NCAM1: variants seen among roughly 807,000 people sequenced by gnomAD.
NCAM1 encodes the protein antigen recognized by monoclonal antibody 5.1H11.
A neutral mutation model predicts 109.8 loss-of-function variants in NCAM1; 14 were observed. The observed-to-expected ratio is 0.13, with a 90% CI of 0.08 to 0.20. The LOEUF (loss-of-function observed/expected upper bound fraction) is 0.20. NCAM1 is among the 10% of genes least tolerant of loss of function. NCAM1 has a pLI of 1.00. For synonymous variants in NCAM1, 418 were observed against 442.9 expected (o/e 0.94, Z 0.70); for missense variants, 774 against 1,109.9 (o/e 0.70, Z 4.30).
intron 1 of NCAM1, among the ~76,000 whole-genome samples, chr11:113,112,293 C>T (rs1555093868): frequency 2.0e-5 from 3 of 152,184 alleles, no homozygotes; most frequent in Non-Finnish European, 1.5e-5. Flanking sequence ...CCATTCGAAA[C>T]TTACTCTTTG....
At chr11:113,069,476 C>T (rs1229322450) in intron 1 of NCAM1, among the ~76,000 whole-genome samples, 2 of 152,062 alleles carry the variant, frequency 1.3e-5, no homozygotes, top group Non-Finnish European at 2.9e-5. Context: ...GCTTTTAAGG[C>T]AGATACCTGG....
At chr11:113,259,875 T>G (rs1333541632) in intron 16 of NCAM1, among the ~76,000 whole-genome samples, 1 of 152,044 alleles carries the variant, frequency 6.6e-6, no homozygotes, top group Non-Finnish European at 1.5e-5. Context: ...AGCTAATTTT[T>G]GTATTTTTAG....
At chr11:113,261,406 G>T (rs570751920) in intron 17 of NCAM1, among the ~76,000 whole-genome samples, 13 of 152,268 alleles carry the variant, frequency 8.5e-5, no homozygotes, top group African/African-American at 2.6e-4. Flanking sequence ...TGGGAGACGT[G>T]TGCTGGACCT....
chr11:113,243,992 T>G (rs1945424829), intron 14 of NCAM1, among the ~76,000 whole-genome samples: 1 of 152,146 alleles, frequency 6.6e-6, no homozygotes, highest in Non-Finnish European at 1.5e-5. Flanking sequence ...CTTTTGAGGT[T>G]TCATTTTGTC....
At chr11:113,016,090 T>C (rs1952199461) in intron 1 of NCAM1, among the ~76,000 whole-genome samples, 1 of 152,162 alleles carries the variant, frequency 6.6e-6, no homozygotes, top group South Asian at 2.1e-4. Flanking sequence ...CCTAAGGACA[T>C]GCCCATAAAT....
At chr11:113,185,915 T>G (rs1555108813) in intron 1 of NCAM1, among the ~76,000 whole-genome samples, 1 of 152,212 alleles carries the variant, frequency 6.6e-6, no homozygotes, top group African/African-American at 2.4e-5. Flanking sequence ...AAATCTATTT[T>G]TAACAAGTTC....
chr11:113,038,263 C>T (rs1477778218), intron 1 of NCAM1, among the ~76,000 whole-genome samples: 1 of 152,216 alleles, frequency 6.6e-6, no homozygotes, highest in East Asian at 1.9e-4. Context: ...TGTTCTCCAG[C>T]AAGCCCACTG....
At chr11:112,966,453 G>C (rs1950730857) in intron 1 of NCAM1, among the ~76,000 whole-genome samples, 1 of 152,198 alleles carries the variant, frequency 6.6e-6, no homozygotes, top group Non-Finnish European at 1.5e-5. Flanking sequence ...GAGCTCCAGA[G>C]TTTTCACTAT....
intron 1 of NCAM1, among the ~76,000 whole-genome samples, chr11:113,073,653 A>G (rs989829187): frequency 6.6e-6 from 1 of 152,180 alleles, no homozygotes; most frequent in Admixed American, 6.5e-5. Flanking sequence ...GGCCATATGG[A>G]AGCATCTTGC....
At chr11:113,214,014 G>T (rs1052519970) in intron 7 of NCAM1, among the ~76,000 whole-genome samples, 2 of 152,100 alleles carry the variant, frequency 1.3e-5, no homozygotes, top group South Asian at 2.1e-4. Flanking sequence ...CACTTCAAAT[G>T]ACTCCATCTC....
At chr11:113,220,754 C>T (rs1182902830) in intron 8 of NCAM1, among the ~76,000 whole-genome samples, 1 of 151,892 alleles carries the variant, frequency 6.6e-6, no homozygotes, top group South Asian at 2.1e-4. Context: ...CTACAGGCGC[C>T]TGCCACCACG....
intron 1 of NCAM1, among the ~76,000 whole-genome samples, chr11:113,049,114 G>A (rs929264832): frequency 1.3e-5 from 2 of 152,102 alleles, no homozygotes; most frequent in Non-Finnish European, 2.9e-5. Flanking sequence ...TGGGTACAGG[G>A]TTTTCTTTTG....
At chr11:113,227,504 C>A (rs1442103363) in intron 9 of NCAM1, among the ~76,000 whole-genome samples, 1 of 152,330 alleles carries the variant, frequency 6.6e-6, no homozygotes, top group Non-Finnish European at 1.5e-5. Flanking sequence ...ACCAGAGGTA[C>A]AAGGAGGAGC....
chr11:113,175,283 C>T (rs1392974731), intron 1 of NCAM1, among the ~76,000 whole-genome samples: 1 of 152,154 alleles, frequency 6.6e-6, no homozygotes, highest in Non-Finnish European at 1.5e-5. Context: ...ACCCTTGGCC[C>T]AAGAGATGGC....
chr11:113,053,727 A>G (rs1286012308), intron 1 of NCAM1, among the ~76,000 whole-genome samples: 2 of 152,224 alleles, frequency 1.3e-5, no homozygotes, highest in Admixed American at 1.3e-4. Context: ...GTCCCTGCTT[A>G]TAACTTAAGT....
At chr11:113,234,128 C>A (rs782301394) in intron 13 of NCAM1, among the ~76,000 whole-genome samples, 2 of 147,954 alleles carry the variant, frequency 1.4e-5, no homozygotes, top group Admixed American at 6.7e-5. Flanking sequence ...GCCAGGGGGC[C>A]GAGAGGAGCT....
At chr11:112,982,995 G>C (rs1159809224) in intron 1 of NCAM1, among the ~76,000 whole-genome samples, 1 of 151,940 alleles carries the variant, frequency 6.6e-6, no homozygotes, top group African/African-American at 2.4e-5. Flanking sequence ...ACCAGGAACG[G>C]AACTTAGCCA....
chr11:113,037,148 A>G (rs1383178787), intron 1 of NCAM1, among the ~76,000 whole-genome samples: 2 of 152,206 alleles, frequency 1.3e-5, no homozygotes, highest in Non-Finnish European at 2.9e-5. Context: ...AATCACATTC[A>G]TAAAGCATTT....
intron 1 of NCAM1, among the ~76,000 whole-genome samples, chr11:113,195,888 T>G (rs1943840587): frequency 6.8e-6 from 1 of 147,630 alleles, no homozygotes; most frequent in Non-Finnish European, 1.5e-5. Context: ...CATGTGTCAT[T>G]GGGAATTTTG....
Sources: gnomAD v4.1 joint callset for allele counts (sites outside exome capture counted in the v4.1 genomes callset) on GRCh38, gnomAD v4.1.1 for gene constraint, MANE v1.5 for transcripts, NCBI Gene and HGNC (gene_info 2026-07-23, HGNC 2026-07-21) for gene names.